The following PSME3IP1 variants were observed in gnomAD, a reference collection of about 807,000 sequenced individuals.
PSME3IP1 encodes the protein PSME3-interacting protein.
Under a neutral mutation model 34.1 loss-of-function variants are expected in PSME3IP1, and 13 were observed. The observed-to-expected ratio is 0.38, with a 90% CI of 0.25 to 0.61. PSME3IP1 has a LOEUF of 0.61. Among genes scored for constraint, PSME3IP1 ranks in the 20% least tolerant of loss-of-function variants. PSME3IP1 has a pLI of 0.60. For synonymous variants in PSME3IP1, 93 were observed against 114.3 expected (o/e 0.81, Z 1.19); for missense variants, 237 against 301.4 (o/e 0.79, Z 1.58).
chr16:57,154,116 G>A lies in PSME3IP1; in HGVS notation c.*174C>T, dbSNP rs934810025. On this transcript the variant is annotated 3_prime_UTR_variant, in exon 7 of 7. Transcript: ENST00000309137. The surrounding 1 kb of genome is among the most constrained non-coding windows in gnomAD (Gnocchi z 4.0). Reference sequence around the variant, plus strand: ...TGGAGTAGAAAGAGGAACCAAACACGATTCGGGCCACAGGTGGATTCTGGC... The same window carrying A: ...TGGAGTAGAAAGAGGAACCAAACACAATTCGGGCCACAGGTGGATTCTGGC... The A allele has an allele frequency of 6.4e-5, 39 of 607,470 alleles. No individual in the cohort carries two copies. The highest frequency in any genetic ancestry group is 6.0e-4 in the African/African-American group (32 of 53,720). The allele number at this position is 607,470 out of a possible 1,614,324, so 37.6% of individuals were successfully genotyped here.
At chr16:57,184,536 A>C (rs193238013) in intron 1 of PSME3IP1, among the ~76,000 whole-genome samples, 1 of 152,386 alleles carries the variant, frequency 6.6e-6, no homozygotes, top group East Asian at 1.9e-4. Context: ...AAGACAAAGT[A>C]TGTTCAAAAG....
At chr16:57,164,695 T>C (rs1229928460) in intron 5 of PSME3IP1, among the ~76,000 whole-genome samples, 1 of 152,202 alleles carries the variant, frequency 6.6e-6, no homozygotes, top group Non-Finnish European at 1.5e-5. Context: ...ATGTACTAGT[T>C]GGTATTTTCT....
Position 57,154,452 on chromosome 16 carries a change from G to A in PSME3IP1, c.603C>T (p.His201=), listed in dbSNP as rs754701913. ...GNTSLSGPSI[H]CPSAAVCIGI... ...CGATACATACTGCAGCAGAGGGGCA[G>A]TGGATGGAGGGGCCACTCAGGGAGG... is the stretch of plus-strand genomic sequence containing the variant. The change falls in exon 7 of 7, where the codon CAC becomes CAT. Residue 201 remains histidine, a synonymous_variant. Transcript: ENST00000309137. This position sits in a 1 kb window ranked among gnomAD's most constrained non-coding sequence, Gnocchi z 4.0. 1.6e-5 allele frequency: 26 copies of A among 1,613,972 alleles called. No homozygotes were observed. The highest frequency in any genetic ancestry group is 2.2e-5 in the Non-Finnish European group (26 of 1,179,912).
intron 6 of PSME3IP1, among the ~76,000 whole-genome samples, chr16:57,161,599 C>CCT (rs1567371826): frequency 6.6e-6 from 1 of 151,360 alleles, no homozygotes; most frequent in African/African-American, 2.4e-5. Flanking sequence ...GCAAGCTCCA[C>CCT]CTCCTGGGTT....
At chr16:57,160,069 T>C (rs1204764147) in intron 6 of PSME3IP1, among the ~76,000 whole-genome samples, 1 of 152,056 alleles carries the variant, frequency 6.6e-6, no homozygotes, top group Admixed American at 6.5e-5. Context: ...GGCGGGTGGA[T>C]CATGAGGTCA....
intron 4 of PSME3IP1, among the ~76,000 whole-genome samples, chr16:57,170,627 T>C (rs1428038823): frequency 6.6e-6 from 1 of 152,232 alleles, no homozygotes; most frequent in East Asian, 1.9e-4. Flanking sequence ...GAATCTACTA[T>C]ATGCCAGGCA....
Position 57,157,873 on chromosome 16 carries a change from G to A in PSME3IP1, c.548-3366C>T, listed in dbSNP as rs78953734. Among the ~76,000 whole-genome samples, 484 of 152,342 alleles carry A rather than the reference G, an allele frequency of 3.2e-3. 2 individuals carry two copies. Among genetic ancestry groups the A allele is most frequent in the African/African-American group, 0.011 (457 of 41,580 alleles). ...AAGAACATCCTGAGCCCTTAAACTA[G>A]GGAGGAATAGTCCCATTTATCTCTG... On this transcript the variant is annotated intron_variant, in intron 6 of 6. Coordinates refer to ENST00000309137, the MANE Select transcript of PSME3IP1 (RefSeq NM_024946.4).
At chr16:57,177,415 G>A (rs74703062) in intron 1 of PSME3IP1, among the ~76,000 whole-genome samples, 2 of 148,890 alleles carry the variant, frequency 1.3e-5, no homozygotes, top group Non-Finnish European at 3.0e-5. Flanking sequence ...TCAAACTCCT[G>A]GACTCAAGCA....
Position 57,186,037 on chromosome 16 carries a change from A to G in PSME3IP1, c.-232T>C. 1 of 985,032 alleles carries G rather than the reference A, an allele frequency of 1.0e-6. No homozygotes were observed. The highest frequency in any genetic ancestry group is 1.2e-6 in the Non-Finnish European group (1 of 829,910). 61.0% of individuals were successfully genotyped at this position (985,032 alleles called of 1,614,324 possible). A position where few individuals can be genotyped will look rare whatever the true frequency, so the allele number is the denominator to read the frequency against. ...AGGGCTTCCTGTTCCTCACCGCCAC[A>G]ATAGAGTCCCGCCCCACTTCCGGCG... On this transcript the variant is annotated 5_prime_UTR_variant, in exon 1 of 7. Transcript: ENST00000309137.
intron 2 of PSME3IP1, among the ~76,000 whole-genome samples, chr16:57,173,489 C>T (rs150586354): frequency 1.3e-5 from 2 of 152,086 alleles, no homozygotes; most frequent in African/African-American, 2.4e-5. Flanking sequence ...ATTAGCCAGG[C>T]GTGGTGGCTG....
intron 6 of PSME3IP1, among the ~76,000 whole-genome samples, chr16:57,162,734 A>G (rs2071408686): frequency 6.6e-6 from 1 of 151,984 alleles, no homozygotes; most frequent in East Asian, 1.9e-4. Context: ...AAAAAAAAAA[A>G]TCAGTGAAGC....
chr16:57,177,064 A>T (rs771231255), intron 1 of PSME3IP1, among the ~76,000 whole-genome samples: 15 of 152,120 alleles, frequency 9.9e-5, no homozygotes, highest in Non-Finnish European at 1.9e-4. Context: ...TATGTTGGCC[A>T]GGCTGGTCTC....
chr16:57,177,496 A>G (rs1288053564), intron 1 of PSME3IP1, among the ~76,000 whole-genome samples: 1 of 152,030 alleles, frequency 6.6e-6, no homozygotes, highest in Non-Finnish European at 1.5e-5. Context: ...CCGGCCTACA[A>G]TCTTTTATAC....
intron 4 of PSME3IP1, among the ~76,000 whole-genome samples, chr16:57,168,023 G>A (rs74021610): frequency 0.018 from 2,687 of 152,106 alleles, 77 homozygotes; most frequent in African/African-American, 0.062. Context: ...ATTTTTGTCG[G>A]GGAGGTCACT....
At chr16:57,182,062 C>T (rs1194080926) in intron 1 of PSME3IP1, among the ~76,000 whole-genome samples, 1 of 152,206 alleles carries the variant, frequency 6.6e-6, no homozygotes, top group Non-Finnish European at 1.5e-5. Context: ...ACCCTCTAAT[C>T]CTGCCTGGGT....
At chr16:57,162,134 T>C (rs2071325811) in intron 6 of PSME3IP1, among the ~76,000 whole-genome samples, 1 of 151,948 alleles carries the variant, frequency 6.6e-6, no homozygotes, top group South Asian at 2.1e-4. Flanking sequence ...ACTCCCAACC[T>C]CAGGTGATCT....
chr16:57,154,211 G>T lies in PSME3IP1; in HGVS notation c.*79C>A. On this transcript the variant is annotated 3_prime_UTR_variant, in exon 7 of 7. Coordinates refer to ENST00000309137, the MANE Select transcript of PSME3IP1 (RefSeq NM_024946.4). This position sits in a 1 kb window ranked among gnomAD's most constrained non-coding sequence, Gnocchi z 4.0. ...GATGCAGGCAAAGGAGTTTTTTTTT[G>T]AGGGACATAATGCCTATAGGCAGCA... The T allele has an allele frequency of 5.0e-6, 6 of 1,204,996 alleles. No homozygotes were observed. Among genetic ancestry groups the T allele is most frequent in the East Asian group, 2.4e-5 (1 of 42,102 alleles). 74.6% of individuals were successfully genotyped at this position (1,204,996 alleles called of 1,614,324 possible). A position where few individuals can be genotyped will look rare whatever the true frequency, so the allele number is the denominator to read the frequency against.
intron 1 of PSME3IP1, chr16:57,178,452 T>G: frequency 3.0e-6 from 2 of 656,278 alleles, no homozygotes; most frequent in Non-Finnish European, 3.8e-6. Context: ...CCACAGTGCT[T>G]ATTATTATTA....
intron 2 of PSME3IP1, 33 bp downstream of exon 2, chr16:57,173,695 T>C (rs756849661): frequency 1.2e-6 from 2 of 1,611,896 alleles, no homozygotes; most frequent in Non-Finnish European, 1.7e-6. Flanking sequence ...GCTGTGTGGA[T>C]TAAAGACCAT....
Sources: allele counts gnomAD v4.1 joint callset (sites outside exome capture counted in the v4.1 genomes callset), GRCh38; gene constraint gnomAD v4.1.1; non-coding constraint Gnocchi (gnomAD v3.1); transcripts MANE v1.5; gene names NCBI Gene and HGNC (gene_info 2026-07-23, HGNC 2026-07-21).